GRID2: variants seen among roughly 807,000 people sequenced by gnomAD.
The protein encoded by GRID2 is glutamate receptor ionotropic, delta-2.
GRID2 carries 33 observed loss-of-function variants against 114.8 expected under a neutral mutation model. That is an observed-to-expected ratio of 0.29 (90% CI 0.22 to 0.38). The LOEUF (loss-of-function observed/expected upper bound fraction) is 0.38, where lower values mean the gene tolerates loss of function less well. Ranked by LOEUF, GRID2 falls within the 10% of genes least tolerant of loss-of-function variation. The pLI is 1.00. For synonymous variants in GRID2, 505 were observed against 449.9 expected (o/e 1.12, Z -1.55); for missense variants, 1,184 against 1,257.7 (o/e 0.94, Z 0.89).
chr4:92,747,095 A>G (rs1737184886), intron 2 of GRID2, among the ~76,000 whole-genome samples: 1 of 152,232 alleles, frequency 6.6e-6, no homozygotes, highest in African/African-American at 2.4e-5. Context: ...TTTATTATGA[A>G]AAGCTTAAGT....
chr4:93,596,305 T>C (rs761884183), intron 13 of GRID2, among the ~76,000 whole-genome samples: 19 of 152,022 alleles, frequency 1.2e-4, no homozygotes, highest in Non-Finnish European at 2.5e-4. Context: ...GAGGGCTGGG[T>C]GCGGTGGCTC....
At chr4:93,143,673 G>T (rs1161471424) in intron 4 of GRID2, among the ~76,000 whole-genome samples, 1 of 152,010 alleles carries the variant, frequency 6.6e-6, no homozygotes, top group Non-Finnish European at 1.5e-5. Context: ...AAACTCAACT[G>T]TTTTATTTAA....
At chr4:93,578,806 G>A (rs1736687177) in intron 13 of GRID2, among the ~76,000 whole-genome samples, 1 of 152,050 alleles carries the variant, frequency 6.6e-6, no homozygotes. Flanking sequence ...TGTTAGTCAG[G>A]TTGGTCTCGA....
chr4:92,361,430 C>G (rs1187174075), intron 1 of GRID2, among the ~76,000 whole-genome samples: 3 of 151,824 alleles, frequency 2.0e-5, no homozygotes, highest in Non-Finnish European at 4.4e-5. Context: ...AATTGTATAT[C>G]AGAACAAAAG....
At chr4:93,423,807 T>G (rs2149370066) in intron 10 of GRID2, among the ~76,000 whole-genome samples, 1 of 152,264 alleles carries the variant, frequency 6.6e-6, no homozygotes, top group Admixed American at 6.5e-5. Context: ...TTATAATTAT[T>G]ACATTTTCCT....
chr4:93,428,067 A>T (rs775383639), intron 10 of GRID2, among the ~76,000 whole-genome samples: 80 of 152,052 alleles, frequency 5.3e-4, no homozygotes, highest in Admixed American at 1.1e-3. Flanking sequence ...ACTCTGAATT[A>T]GATACAGTTG....
At chr4:92,736,628 G>A (rs1736611500) in intron 2 of GRID2, among the ~76,000 whole-genome samples, 2 of 151,940 alleles carry the variant, frequency 1.3e-5, no homozygotes, top group Admixed American at 6.6e-5. Flanking sequence ...ACGTACTTAG[G>A]CTTTTGTCCA....
At chr4:92,865,405 G>A (rs1744790266) in intron 2 of GRID2, among the ~76,000 whole-genome samples, 1 of 152,102 alleles carries the variant, frequency 6.6e-6, no homozygotes, top group South Asian at 2.1e-4. Context: ...CAAATAGTTG[G>A]ACAAAAGGAA....
intron 1 of GRID2, among the ~76,000 whole-genome samples, chr4:92,463,528 C>T (rs951485400): frequency 3.3e-5 from 5 of 151,920 alleles, no homozygotes; most frequent in African/African-American, 9.7e-5. Context: ...AACAGTGAGC[C>T]TCAATTCTTA....
chr4:92,505,733 G>C (rs979718030), intron 1 of GRID2, among the ~76,000 whole-genome samples: 2 of 151,906 alleles, frequency 1.3e-5, no homozygotes, highest in African/African-American at 4.8e-5. Flanking sequence ...CAGAGGACAG[G>C]ACTACTTGGC....
chr4:92,483,441 G>C (rs1452290816), intron 1 of GRID2, among the ~76,000 whole-genome samples: 1 of 152,152 alleles, frequency 6.6e-6, no homozygotes, highest in Admixed American at 6.6e-5. Flanking sequence ...TGTTGAGTTA[G>C]TTTTCCCCTT....
At chr4:93,335,569 A>G (rs1758971985) in intron 8 of GRID2, among the ~76,000 whole-genome samples, 1 of 152,352 alleles carries the variant, frequency 6.6e-6, no homozygotes, top group South Asian at 2.1e-4. Flanking sequence ...AACAATAACA[A>G]CTAAACTTTG....
chr4:93,105,051 A>T (rs948604437), intron 3 of GRID2, among the ~76,000 whole-genome samples: 5 of 152,016 alleles, frequency 3.3e-5, no homozygotes, highest in African/African-American at 1.2e-4. Flanking sequence ...CATTTCTCTG[A>T]TGGCCAGTGA....
chr4:92,421,855 A>G (rs1480227438), intron 1 of GRID2, among the ~76,000 whole-genome samples: 1 of 152,282 alleles, frequency 6.6e-6, no homozygotes, highest in African/African-American at 2.4e-5. Context: ...TAGAGAGCCA[A>G]TAGTTCAAAT....
At chr4:93,469,608 T>C (rs1724614747) in intron 11 of GRID2, among the ~76,000 whole-genome samples, 1 of 152,200 alleles carries the variant, frequency 6.6e-6, no homozygotes, top group East Asian at 1.9e-4. Flanking sequence ...GCCAACTCTT[T>C]CCATTTAAAC....
At chr4:92,778,576 T>G (rs1466543549) in intron 2 of GRID2, among the ~76,000 whole-genome samples, 1 of 152,112 alleles carries the variant, frequency 6.6e-6, no homozygotes, top group Non-Finnish European at 1.5e-5. Context: ...TTATTCAATC[T>G]TAATATACTA....
chr4:92,702,673 T>C (rs949457320), intron 2 of GRID2: 2 of 151,810 alleles, frequency 1.3e-5, no homozygotes, highest in Non-Finnish European at 2.9e-5. Flanking sequence ...TATACTATTA[T>C]ATAGTTTAGC....
chr4:93,389,822 G>A (rs1383579380), intron 8 of GRID2, among the ~76,000 whole-genome samples: 2 of 143,768 alleles, frequency 1.4e-5, no homozygotes, highest in African/African-American at 2.6e-5. Flanking sequence ...AGACAGTCTT[G>A]CTCTGTTGCC....
chr4:93,241,702 A>G (rs890295880), intron 8 of GRID2, among the ~76,000 whole-genome samples: 2 of 151,710 alleles, frequency 1.3e-5, no homozygotes, highest in African/African-American at 4.8e-5. Flanking sequence ...ATCCAGAACC[A>G]TGTCTAGTAC....
Sources: allele counts gnomAD v4.1 joint callset (sites outside exome capture counted in the v4.1 genomes callset), GRCh38; gene constraint gnomAD v4.1.1; transcripts MANE v1.5; gene names NCBI Gene and HGNC (gene_info 2026-07-23, HGNC 2026-07-21).